CHCHD3: variants seen among roughly 807,000 people sequenced by gnomAD.
The protein encoded by CHCHD3 is MICOS complex subunit MIC19.
A neutral mutation model predicts 38.2 loss-of-function variants in CHCHD3; 20 were observed. That is an observed-to-expected ratio of 0.52 (90% CI 0.37 to 0.76). The LOEUF is 0.76. Ranked by LOEUF, CHCHD3 falls within the 30% of genes least tolerant of loss-of-function variation. The pLI, the probability that CHCHD3 is intolerant of heterozygous loss-of-function variation, is 0.00. For synonymous variants in CHCHD3, 82 were observed against 100.0 expected (o/e 0.82, Z 1.07); for missense variants, 245 against 279.2 (o/e 0.88, Z 0.87).
At chr7:132,871,862 A>C (rs551988950) in intron 5 of CHCHD3, among the ~76,000 whole-genome samples, 19 of 152,312 alleles carry the variant, frequency 1.2e-4, no homozygotes, top group Non-Finnish European at 2.5e-4. Context: ...ACAAAATGTG[A>C]CTATAATCAA....
At chr7:132,827,900 G>C (rs1807547207) in intron 6 of CHCHD3, among the ~76,000 whole-genome samples, 1 of 152,120 alleles carries the variant, frequency 6.6e-6, no homozygotes, top group Non-Finnish European at 1.5e-5. Flanking sequence ...TGAATATAAA[G>C]TAGAAAACTG....
intron 2 of CHCHD3, among the ~76,000 whole-genome samples, chr7:133,059,450 C>T (rs190729333): frequency 3.0e-4 from 46 of 152,238 alleles, no homozygotes; most frequent in Non-Finnish European, 1.3e-4. Context: ...GAACTGAGAG[C>T]GGGAGGGTCC....
chr7:132,931,653 T>G (rs1810517970), intron 4 of CHCHD3, among the ~76,000 whole-genome samples: 1 of 152,248 alleles, frequency 6.6e-6, no homozygotes, highest in African/African-American at 2.4e-5. Flanking sequence ...GCCTAAATGC[T>G]AAGTTACATC....
Position 133,081,958 on chromosome 7 carries a change from C to T in CHCHD3, c.-21G>A. The T allele has an allele frequency of 6.5e-7, 1 of 1,531,312 alleles. No individual in the cohort carries two copies. Among genetic ancestry groups the T allele is most frequent in the Non-Finnish European group, 8.8e-7 (1 of 1,136,788 alleles). 94.9% of individuals were successfully genotyped at this position (1,531,312 alleles called of 1,614,324 possible). A position where few individuals can be genotyped will look rare whatever the true frequency, so the allele number is the denominator to read the frequency against. ...CCCATGATTCCGGTTCCTGCCCCAG[C>T]GGAGACCTAGCGGGGAACCACGAGC... On this transcript the variant is annotated 5_prime_UTR_variant, in exon 1 of 8. Transcript: ENST00000262570.
At chr7:132,891,482 T>C (rs780992648) in intron 4 of CHCHD3, among the ~76,000 whole-genome samples, 33 of 152,332 alleles carry the variant, frequency 2.2e-4, no homozygotes, top group South Asian at 4.1e-4. Context: ...ATTCTTCCAA[T>C]AGACTTCCTA....
chr7:132,919,961 A>T (rs1810217670), intron 4 of CHCHD3, among the ~76,000 whole-genome samples: 1 of 152,206 alleles, frequency 6.6e-6, no homozygotes, highest in African/African-American at 2.4e-5. Context: ...CCCTGGGGGA[A>T]AATGCTCTCA....
At chr7:132,839,081 A>C (rs1437473901) in intron 5 of CHCHD3, among the ~76,000 whole-genome samples, 2 of 152,070 alleles carry the variant, frequency 1.3e-5, no homozygotes. Context: ...AATCCCAGCT[A>C]ATCAGGAGGC....
At chr7:132,887,149 T>C (rs189493730) in intron 4 of CHCHD3, among the ~76,000 whole-genome samples, 165 of 152,036 alleles carry the variant, frequency 1.1e-3, no homozygotes, top group African/African-American at 3.8e-3. Flanking sequence ...TTGAGACACA[T>C]TTTAATGTCA....
chr7:132,971,307 C>T (rs1811606598), intron 4 of CHCHD3, among the ~76,000 whole-genome samples: 1 of 152,138 alleles, frequency 6.6e-6, no homozygotes, highest in African/African-American at 2.4e-5. Flanking sequence ...CAGTAGACTG[C>T]CTCTTCCAAA....
intron 3 of CHCHD3, chr7:133,022,258 G>T (rs1813201479): frequency 5.7e-6 from 2 of 352,320 alleles, no homozygotes; most frequent in African/African-American, 4.2e-5. Flanking sequence ...AAGTGCTTGA[G>T]AACTGGTCAA....
intron 3 of CHCHD3, among the ~76,000 whole-genome samples, chr7:133,018,749 A>G (rs1038116319): frequency 4.6e-5 from 7 of 152,164 alleles, no homozygotes; most frequent in African/African-American, 1.7e-4. Context: ...CCACATACAT[A>G]ATATAGAACT....
intron 6 of CHCHD3, among the ~76,000 whole-genome samples, chr7:132,835,353 G>GAC (rs1807753556): frequency 6.6e-6 from 1 of 152,176 alleles, no homozygotes; most frequent in Admixed American, 6.5e-5. Flanking sequence ...CCAAAATCCA[G>GAC]ACCTCTCTTT....
At chr7:132,889,322 A>G (rs760026205) in intron 4 of CHCHD3, among the ~76,000 whole-genome samples, 13 of 151,954 alleles carry the variant, frequency 8.6e-5, no homozygotes, top group African/African-American at 2.9e-4. Flanking sequence ...ACAAAGTGAG[A>G]TTTTTTAAAA....
At chr7:133,072,820 C>T (rs1212819647) in intron 1 of CHCHD3, among the ~76,000 whole-genome samples, 9 of 116,384 alleles carry the variant, frequency 7.7e-5, no homozygotes, top group Non-Finnish European at 1.3e-4. Context: ...AGTGAGACTC[C>T]GTCTCAAAAA....
rs147449117 is a variant in CHCHD3 at position 133,026,206 on chromosome 7, A to G, written c.170-1579T>C. On this transcript the variant is annotated intron_variant, in intron 2 of 7. Transcript: ENST00000262570. ...AGACAAATAATAAAAAGACAACTCA[A>G]TTAAAATGGGCAAAGGCTATAAATA... Among the ~76,000 whole-genome samples the G allele has an allele frequency of 8.6e-4, 131 of 152,356 alleles. 1 individual carries two copies. The highest frequency in any genetic ancestry group is 1.6e-3 in the Non-Finnish European group (110 of 68,036).
chr7:132,812,208 T>C (rs1220948248), intron 6 of CHCHD3, among the ~76,000 whole-genome samples: 7 of 135,128 alleles, frequency 5.2e-5, no homozygotes, highest in African/African-American at 2.0e-4. Flanking sequence ...TTCTTTTTTT[T>C]TTTTTTTTTT....
chr7:132,880,978 T>C (rs1181715281), intron 5 of CHCHD3, among the ~76,000 whole-genome samples: 5 of 152,160 alleles, frequency 3.3e-5, no homozygotes, highest in African/African-American at 4.8e-5. Flanking sequence ...GAATTAATAC[T>C]CTCTAAGTAT....
chr7:132,786,600 C>T (rs1258157009), intron 7 of CHCHD3, among the ~76,000 whole-genome samples: 1 of 152,026 alleles, frequency 6.6e-6, no homozygotes, highest in Non-Finnish European at 1.5e-5. Context: ...GTTTTGCAAC[C>T]ACTCAGAGAG....
chr7:132,816,585 C>G (rs554220437), intron 6 of CHCHD3, among the ~76,000 whole-genome samples: 177 of 152,262 alleles, frequency 1.2e-3, no homozygotes, highest in Non-Finnish European at 2.0e-3. Flanking sequence ...TAATTTAGCT[C>G]CCCCCAAATC....
Sources: allele counts gnomAD v4.1 joint callset (sites outside exome capture counted in the v4.1 genomes callset), GRCh38; gene constraint gnomAD v4.1.1; transcripts MANE v1.5; gene names NCBI Gene and HGNC (gene_info 2026-07-23, HGNC 2026-07-21).